ABCC8: variants seen among roughly 807,000 people sequenced by gnomAD.
ABCC8 encodes ATP binding cassette subfamily C member 8, also known as ATP-binding cassette sub-family C member 8.
A neutral mutation model predicts 188.0 loss-of-function variants in ABCC8; 137 were observed. The ratio of observed to expected loss-of-function variants is 0.73; its 90% CI spans 0.63 to 0.84. The LOEUF is 0.84. Ranked by LOEUF, ABCC8 falls within the 40% of genes least tolerant of loss-of-function variation. The pLI is 0.00. For missense variants in ABCC8, 1,750 were observed against 2,072.7 expected (o/e 0.84, Z 3.02); for synonymous variants, 797 against 846.5 (o/e 0.94, Z 1.01).
intron 3 of ABCC8, among the ~76,000 whole-genome samples, chr11:17,467,219 C>G (rs1227808639): frequency 1.3e-5 from 2 of 152,272 alleles, no homozygotes; most frequent in Non-Finnish European, 2.9e-5. Flanking sequence ...AGTTCAAGAC[C>G]AGCATGGTCA....
At position 17,412,844 on chromosome 11, in the gene ABCC8, GCTCTATCCACTTCTTTGCCTGCTTCTCAC is replaced by G. The variant is rs1954881433; in HGVS notation, c.2476-127_2476-99del. The G allele has an allele frequency of 4.5e-6, 7 of 1,546,218 alleles. No individual in the cohort carries two copies. The African/African-American group carries it at 8.2e-5, about 18-fold the overall frequency. ...ATGAGCTCTTTGGGATGGAGGCCTG[GCTCTATCCACTTCTTTGCCTGCTTCTCAC>G]CTTGCATAGAGAAGGAACTTGCACG... On this transcript the variant is annotated intron_variant, in intron 20 of 38. Transcript: ENST00000389817.
rs1285168546 is a variant in ABCC8, at chr11:17,407,413, C to A, written c.2861G>T (p.Gly954Val). The change falls in exon 24 of 39, where the codon GGC becomes GTC. Residue 954 changes from glycine to valine, a missense_variant. By Grantham distance (109) the Gly-to-Val change is moderately radical. Transcript: ENST00000389817. ...CCTCGAGGACATGGCACGAGATAGG[C>A]CCTGGGGTGGCTCTGTGGCTTTTCT... is the stretch of plus-strand genomic sequence containing the variant. Reference protein sequence around the residue: ...TERKATEPPQGLSRAMSSRDG... With the variant: ...TERKATEPPQVLSRAMSSRDG... The A allele has an allele frequency of 6.2e-7, 1 of 1,614,184 alleles. No homozygotes were observed.
rs1953781114 is a variant in ABCC8, at chr11:17,394,198, A to G, written c.4545+68T>C. 8 of 1,580,712 alleles carry G rather than the reference A, an allele frequency of 5.1e-6. 1 individual carries two copies. In the South Asian group the frequency reaches 6.6e-5, roughly 13 times the overall value. On this transcript the variant is annotated intron_variant, in intron 37 of 38. Transcript: ENST00000389817. ...TTGAGCCTCAGGACTACTTCGTGCA[A>G]ATTTCTCCCTAGCATCCCACTAAAC...
At chr11:17,408,156 C>T in intron 23 of ABCC8, 1 of 438,460 alleles carries the variant, frequency 2.3e-6, no homozygotes, top group Non-Finnish European at 4.1e-6. Context: ...AACTTTGCAA[C>T]TAAATAGTAT....
intron 38 of ABCC8, 99 bp downstream of exon 38, chr11:17,393,598 T>C (rs960808648): frequency 1.3e-6 from 2 of 1,566,506 alleles, no homozygotes; most frequent in Non-Finnish European, 1.8e-6. Context: ...TCTTGATTAC[T>C]GGGACCAGGC....
At chr11:17,402,032 AG>A (rs1954269516) in intron 29 of ABCC8, among the ~76,000 whole-genome samples, 1 of 152,182 alleles carries the variant, frequency 6.6e-6, no homozygotes, top group Admixed American at 6.5e-5. Context: ...GCCTGCTCAA[AG>A]TCTGGGCTGT....
intron 7 of ABCC8, among the ~76,000 whole-genome samples, chr11:17,450,508 C>T (rs1956768188): frequency 6.7e-6 from 1 of 149,974 alleles, no homozygotes; most frequent in Non-Finnish European, 1.5e-5. Context: ...CATTCTCCTG[C>T]CTCAGCCTCC....
chr11:17,475,088 T>C (rs1848689038), intron 1 of ABCC8, 61 bp from the exon 2 acceptor site: 8 of 1,605,666 alleles, frequency 5.0e-6, no homozygotes, highest in Admixed American at 1.7e-5. Context: ...AGAGGGTGCA[T>C]GAACCCCAGA....
intron 10 of ABCC8, chr11:17,436,318 T>C: frequency 2.7e-6 from 1 of 363,986 alleles, no homozygotes; most frequent in East Asian, 6.5e-5. Flanking sequence ...GGCACCTCTC[T>C]GGGCACAATA....
At chr11:17,441,465 C>T (rs1184394965) in intron 10 of ABCC8, among the ~76,000 whole-genome samples, 1 of 152,220 alleles carries the variant, frequency 6.6e-6, no homozygotes. Context: ...TTCAGCTATA[C>T]TCATTCATGT....
At chr11:17,393,299 C>T (rs1404115995) in intron 38 of ABCC8, 171 bp from the exon 39 acceptor site, 12 of 881,434 alleles carry the variant, frequency 1.4e-5, no homozygotes, top group Admixed American at 9.0e-5. Context: ...ACTACAAGCT[C>T]TCCATCTGCT....
At position 17,394,333 on chromosome 11, in the gene ABCC8, C is replaced by T. The variant is rs746480424; in HGVS notation, c.4478G>A (p.Arg1493Gln). ...QGQRQLFCLA[R>Q]AFVRKTSIFI... ...GATGCTGGTCTTCCTCACGAAGGCC[C>T]GGGCCAGGCAGAACAGCTGCCTCTG... The change falls in exon 37 of 39, where the codon CGG (arginine) becomes CAG (glutamine). Residue 1493 changes from arginine to glutamine, a missense_variant. By Grantham distance (43) the Arg-to-Gln change is conservative. Coordinates refer to ENST00000389817, the MANE Select transcript of ABCC8 (RefSeq NM_000352.6). 3.1e-6 allele frequency: 5 copies of T among 1,613,934 alleles called. No individual in the cohort carries two copies. Among genetic ancestry groups the T allele is most frequent in the South Asian group, 1.1e-5 (1 of 91,090 alleles).
chr11:17,422,232 C>G (rs1955379480), intron 16 of ABCC8, among the ~76,000 whole-genome samples: 1 of 152,166 alleles, frequency 6.6e-6, no homozygotes, highest in South Asian at 2.1e-4. Context: ...GAGAGACAAA[C>G]AGCAGATGAA....
In ABCC8 at chr11:17,451,891, G is replaced by A. The variant is rs117535780; in HGVS notation, c.1176+1228C>T. Among the ~76,000 whole-genome samples, 479 of 152,316 alleles carry A rather than the reference G, an allele frequency of 3.1e-3. 3 individuals are homozygous for A. Among genetic ancestry groups the A allele is most frequent in the South Asian group, 9.3e-3 (45 of 4,822 alleles). On this transcript the variant is annotated intron_variant, in intron 7 of 38. Coordinates refer to ENST00000389817, the MANE Select transcript of ABCC8 (RefSeq NM_000352.6). ...TATTACCATTTTAAAAGGAAAATGC[G>A]TTCCCTCCTCTTGTCCCTTCTTCTG...
chr11:17,412,068 A>G (rs1954836856), intron 21 of ABCC8, among the ~76,000 whole-genome samples: 2 of 151,510 alleles, frequency 1.3e-5, no homozygotes. Context: ...AATTTTTTGT[A>G]TTTTTAGTAG....
intron 18 of ABCC8, among the ~76,000 whole-genome samples, chr11:17,415,004 C>A (rs898875443): frequency 2.1e-5 from 3 of 141,818 alleles, no homozygotes; most frequent in East Asian, 2.1e-4. Context: ...AATGGAAGAA[C>A]TTTTTTTTTT....
intron 10 of ABCC8, chr11:17,436,320 G>A (rs191467543): frequency 1.7e-4 from 63 of 361,060 alleles, no homozygotes; most frequent in African/African-American, 1.3e-3. Context: ...CACCTCTCTG[G>A]GCACAATAGT....
Position 17,407,413 on chromosome 11 carries a change from C to T in ABCC8, c.2861G>A (p.Gly954Asp), listed in dbSNP as rs1285168546. 2 of 1,614,066 alleles carry T rather than the reference C, an allele frequency of 1.2e-6. No homozygotes were observed. Among genetic ancestry groups the T allele is most frequent in the Non-Finnish European group, 1.7e-6 (2 of 1,180,038 alleles). The change falls in exon 24 of 39, where the codon GGC becomes GAC. Residue 954 changes from glycine to aspartate, a missense_variant. Gly to Asp is a moderately conservative substitution (Grantham distance 94, BLOSUM62 -1). Coordinates refer to ENST00000389817, the MANE Select transcript of ABCC8 (RefSeq NM_000352.6). ...TERKATEPPQ[G>D]LSRAMSSRDG... ...CCTCGAGGACATGGCACGAGATAGG[C>T]CCTGGGGTGGCTCTGTGGCTTTTCT...
intron 8 of ABCC8, among the ~76,000 whole-genome samples, chr11:17,447,486 C>T (rs769808901): frequency 6.6e-5 from 10 of 152,076 alleles, no homozygotes; most frequent in South Asian, 2.1e-4. Context: ...AGTGCAGGGG[C>T]GTGATCATTG....
Sources: gnomAD v4.1 joint callset for allele counts (sites outside exome capture counted in the v4.1 genomes callset) on GRCh38, gnomAD v4.1.1 for gene constraint, MANE v1.5 for transcripts, NCBI Gene and HGNC (gene_info 2026-07-23, HGNC 2026-07-21) for gene names.